Variants in MSRA observed in about 807,000 individuals in gnomAD.
MSRA encodes the protein mitochondrial peptide methionine sulfoxide reductase.
Under a neutral mutation model 31.3 loss-of-function variants are expected in MSRA, and 54 were observed. That is an observed-to-expected ratio of 1.73 (90% confidence interval 1.39 to 2.17). MSRA has a LOEUF of 2.17. Ranked by LOEUF, MSRA falls within the 30% of genes most tolerant of loss-of-function variation. MSRA has a pLI of 0.00. For synonymous variants in MSRA, 169 were observed against 116.5 expected, an observed-to-expected ratio of 1.45 and a Z score of -2.90; for missense variants, 507 against 300.9, an observed-to-expected ratio of 1.69 and a Z score of -5.07.
At chr8:10,411,896 G>T (rs1004795946) in intron 5 of MSRA, among the ~76,000 whole-genome samples, 1 of 79,934 alleles carries the variant, frequency 1.3e-5, no homozygotes, top group South Asian at 3.2e-4. Context: ...CAGGGGTGGC[G>T]AACAGCCCTG....
At position 10,419,096 on chromosome 8, in the gene MSRA, G is replaced by A. The variant is rs1320127777; in HGVS notation, c.544-9052G>A. Among the ~76,000 whole-genome samples, 6 of 152,264 alleles carry A rather than the reference G, an allele frequency of 3.9e-5. No individual in the cohort carries two copies. The East Asian group carries it at 1.2e-3, about 29-fold the overall frequency. ...CTCCCTCCCACGCATGTGCCCACAG[G>A]TTCATAGGCATCAGCATCTCTAGAG... On this transcript the variant is annotated intron_variant, in intron 5 of 5. Transcript: ENST00000317173.
chr8:10,302,266 C>T (rs1392097296), intron 4 of MSRA, among the ~76,000 whole-genome samples: 1 of 152,196 alleles, frequency 6.6e-6, no homozygotes, highest in African/African-American at 2.4e-5. Flanking sequence ...TCCATGTTGG[C>T]AAATATCATT....
intron 1 of MSRA, among the ~76,000 whole-genome samples, chr8:10,097,555 T>G (rs924235780): frequency 6.6e-6 from 1 of 152,212 alleles, no homozygotes; most frequent in Non-Finnish European, 1.5e-5. Flanking sequence ...ACCGTCTTAT[T>G]GCCGATTTAT....
intron 2 of MSRA, among the ~76,000 whole-genome samples, chr8:10,215,228 G>A (rs190946300): frequency 1.8e-3 from 275 of 152,310 alleles, no homozygotes; most frequent in Non-Finnish European, 2.9e-3. Flanking sequence ...CCACAAAAAG[G>A]TTATGGAGGA....
intron 1 of MSRA, among the ~76,000 whole-genome samples, chr8:10,118,537 C>G (rs143877636): frequency 2.6e-5 from 4 of 152,180 alleles, no homozygotes; most frequent in East Asian, 1.9e-4. Flanking sequence ...AGTCCAAACT[C>G]GAGCCTAGTA....
chr8:10,304,451 G>A (rs1460671349), intron 4 of MSRA, among the ~76,000 whole-genome samples: 3 of 152,158 alleles, frequency 2.0e-5, no homozygotes, highest in African/African-American at 7.2e-5. Flanking sequence ...GAACATTAAA[G>A]GCAAAAAACA....
At chr8:10,331,512 G>C (rs1802698697) in intron 5 of MSRA, among the ~76,000 whole-genome samples, 1 of 152,190 alleles carries the variant, frequency 6.6e-6, no homozygotes, top group South Asian at 2.1e-4. Context: ...GGAAACTGAA[G>C]CTCAGAAGTG....
intron 1 of MSRA, among the ~76,000 whole-genome samples, chr8:10,104,623 G>C (rs1799760881): frequency 6.6e-6 from 1 of 152,192 alleles, no homozygotes; most frequent in Non-Finnish European, 1.5e-5. Flanking sequence ...TTATCATGCA[G>C]TTGAAGCCTC....
At chr8:10,067,176 C>G (rs898093712) in intron 1 of MSRA, among the ~76,000 whole-genome samples, 1 of 152,140 alleles carries the variant, frequency 6.6e-6, no homozygotes, top group African/African-American at 2.4e-5. Flanking sequence ...ATTTGTCCAT[C>G]TCCCCCTTCC....
intron 3 of MSRA, among the ~76,000 whole-genome samples, chr8:10,295,808 A>C (rs906872079): frequency 6.6e-6 from 1 of 152,088 alleles, no homozygotes; most frequent in African/African-American, 2.4e-5. Flanking sequence ...GCCCTCTCCC[A>C]GGTCTCATGG....
chr8:10,204,925 G>C (rs1808820576), intron 1 of MSRA, among the ~76,000 whole-genome samples: 1 of 152,218 alleles, frequency 6.6e-6, no homozygotes, highest in Admixed American at 6.5e-5. Flanking sequence ...GATAGATGCA[G>C]TCCCTGTACA....
intron 4 of MSRA, among the ~76,000 whole-genome samples, chr8:10,302,909 T>G (rs943660591): frequency 6.6e-6 from 1 of 152,146 alleles, no homozygotes; most frequent in Admixed American, 6.5e-5. Context: ...CACCCTAGCT[T>G]GGGATATGGG....
chr8:10,061,975 A>T (rs1797217294), intron 1 of MSRA, among the ~76,000 whole-genome samples: 1 of 152,016 alleles, frequency 6.6e-6, no homozygotes, highest in Non-Finnish European at 1.5e-5. Context: ...CAGGCTCAGG[A>T]GTTATTGTGA....
chr8:10,160,176 C>G (rs1253121613), intron 1 of MSRA, among the ~76,000 whole-genome samples: 3 of 152,134 alleles, frequency 2.0e-5, no homozygotes, highest in Non-Finnish European at 4.4e-5. Flanking sequence ...AAATGATAAT[C>G]ATACAGCCCC....
intron 5 of MSRA, among the ~76,000 whole-genome samples, chr8:10,352,844 G>A (rs1404272761): frequency 6.6e-6 from 1 of 152,152 alleles, no homozygotes; most frequent in Non-Finnish European, 1.5e-5. Flanking sequence ...AACCGGGGGA[G>A]AAAGAGGCCC....
chr8:10,141,050 A>T (rs1802661609), intron 1 of MSRA, among the ~76,000 whole-genome samples: 1 of 152,222 alleles, frequency 6.6e-6, no homozygotes. Flanking sequence ...TGATGGGCAG[A>T]TGCAGTGAGT....
chr8:10,196,155 A>G (rs1465150272), intron 1 of MSRA, among the ~76,000 whole-genome samples: 1 of 152,234 alleles, frequency 6.6e-6, no homozygotes, highest in Non-Finnish European at 1.5e-5. Flanking sequence ...CCTTCAAGGG[A>G]CAGTGTGGTA....
chr8:10,342,337 A>G (rs1042958535), intron 5 of MSRA, among the ~76,000 whole-genome samples: 8 of 152,188 alleles, frequency 5.3e-5, no homozygotes, highest in African/African-American at 1.9e-4. Flanking sequence ...AAAAACCCGA[A>G]CACACATTCA....
At chr8:10,247,675 G>A (rs560771904) in intron 3 of MSRA, among the ~76,000 whole-genome samples, 31 of 152,122 alleles carry the variant, frequency 2.0e-4, no homozygotes, top group African/African-American at 7.5e-4. Flanking sequence ...CAGTAGCATT[G>A]GGAAGCATGG....
Sources: allele counts gnomAD v4.1 joint callset (sites outside exome capture counted in the v4.1 genomes callset), GRCh38; gene constraint gnomAD v4.1.1; transcripts MANE v1.5; gene names NCBI Gene and HGNC (gene_info 2026-07-23, HGNC 2026-07-21).